MEIOB: variants seen among roughly 807,000 people sequenced by gnomAD.
The protein encoded by MEIOB is meiosis-specific with OB domain-containing protein.
Under a neutral mutation model 53.1 loss-of-function variants are expected in MEIOB, and 50 were observed. That is an observed-to-expected ratio of 0.94 (90% CI 0.75 to 1.19). The LOEUF (loss-of-function observed/expected upper bound fraction) is 1.19, where lower values mean the gene tolerates loss of function less well. MEIOB is among the 50% of genes most tolerant of loss of function. MEIOB has a pLI of 0.00. For synonymous variants in MEIOB, 192 were observed against 182.5 expected, an observed-to-expected ratio of 1.05 and a Z score of -0.42; for missense variants, 551 against 550.8, an observed-to-expected ratio of 1.00 and a Z score of 0.00.
intron 1 of MEIOB, among the ~76,000 whole-genome samples, chr16:1,871,370 C>T (rs1899740299): frequency 1.2e-5 from 1 of 85,578 alleles, no homozygotes; most frequent in African/African-American, 4.4e-5. Flanking sequence ...CAGGCACTCG[C>T]CGCCACGCCT....
intron 9 of MEIOB, among the ~76,000 whole-genome samples, chr16:1,851,462 T>C (rs1033675333): frequency 1.3e-5 from 2 of 152,238 alleles, no homozygotes; most frequent in Admixed American, 6.5e-5. Flanking sequence ...ATTTATTCTC[T>C]GTCTCTCCCT....
intron 13 of MEIOB, among the ~76,000 whole-genome samples, chr16:1,835,859 TTTC>T (rs1331752734): frequency 7.3e-4 from 93 of 127,714 alleles, no homozygotes; most frequent in African/African-American, 2.7e-3. Context: ...CCAATTCCTT[TTTC>T]TTTTTTTTTT....
At chr16:1,858,003 T>A in intron 5 of MEIOB, 73 bp from the exon 6 acceptor site, 2 of 930,902 alleles carry the variant, frequency 2.1e-6, no homozygotes, top group Non-Finnish European at 3.2e-6. Flanking sequence ...GGTCCACATT[T>A]AAACTACATT....
At chr16:1,837,933 C>G in intron 12 of MEIOB, 63 bp from the exon 13 acceptor site, 1 of 1,456,262 alleles carries the variant, frequency 6.9e-7, no homozygotes, top group Admixed American at 2.7e-5. Flanking sequence ...TCATTTTTGA[C>G]AACAGTGTGA....
intron 2 of MEIOB, among the ~76,000 whole-genome samples, chr16:1,867,592 C>T (rs1899628076): frequency 6.7e-6 from 1 of 149,666 alleles, no homozygotes; most frequent in South Asian, 2.1e-4. Flanking sequence ...CCTGCCTCAG[C>T]CTCCTGAGTA....
intron 7 of MEIOB, 139 bp from the exon 8 acceptor site, chr16:1,853,410 T>C: frequency 3.1e-6 from 2 of 645,884 alleles, no homozygotes; most frequent in East Asian, 2.7e-5. Context: ...CTCCTAGTCT[T>C]AAGCATGCCA....
chr16:1,868,818 G>A (rs1226802962), intron 1 of MEIOB, among the ~76,000 whole-genome samples: 1 of 151,970 alleles, frequency 6.6e-6, no homozygotes, highest in East Asian at 1.9e-4. Flanking sequence ...TGGCACCACT[G>A]CACTCCAGCC....
At chr16:1,837,604 T>C (rs1898784624) in intron 13 of MEIOB, 180 bp downstream of exon 13, 1 of 460,476 alleles carries the variant, frequency 2.2e-6, no homozygotes, top group Non-Finnish European at 3.9e-6. Flanking sequence ...AACTCCTTTA[T>C]ACAATATGAA....
chr16:1,845,392 C>G (rs1445121171), intron 9 of MEIOB, among the ~76,000 whole-genome samples: 1 of 151,936 alleles, frequency 6.6e-6, no homozygotes, highest in Admixed American at 6.6e-5. Context: ...TGGTGGTGGG[C>G]GCCTGTAGTC....
chr16:1,865,612 G>A (rs1049401037), intron 3 of MEIOB, among the ~76,000 whole-genome samples, 166 bp downstream of exon 3: 3 of 152,100 alleles, frequency 2.0e-5, no homozygotes, highest in Non-Finnish European at 1.5e-5. Context: ...GGGAGGGAGG[G>A]AGAGAGAAAG....
chr16:1,853,092 C>T lies in MEIOB; in HGVS notation c.725G>A (p.Arg242Gln), dbSNP rs372655502. The change falls in exon 9 of 14, where the codon CGG becomes CAG. Residue 242 changes from arginine to glutamine, a missense_variant. Physicochemically the swap from Arg to Gln is conservative, Grantham distance 43. Coordinates refer to ENST00000325962, the MANE Select transcript of MEIOB (RefSeq NM_001163560.3). ...SDVRINFDKF[R>Q]NCMTATVISK... ...GATTACAGTTGCTGTCATGCAGTTC[C>T]GAAATTTGTCAAAATTTATTCTTAC... 5.5e-5 allele frequency: 89 copies of T among 1,612,764 alleles called. No homozygotes were observed. The highest frequency in any genetic ancestry group is 2.4e-4 in the African/African-American group (18 of 74,950).
intron 11 of MEIOB, chr16:1,841,015 T>TC: frequency 1.4e-5 from 2 of 140,306 alleles, no homozygotes; most frequent in African/African-American, 5.2e-5. Flanking sequence ...TTTCTTTCTT[T>TC]TTTTTTTTTT....
chr16:1,848,173 C>A (rs2142084955), intron 9 of MEIOB, among the ~76,000 whole-genome samples: 2 of 152,026 alleles, frequency 1.3e-5, no homozygotes, highest in Non-Finnish European at 2.9e-5. Context: ...TTCTTGTAGG[C>A]AAAAAGATGA....
At chr16:1,847,735 G>C (rs1269846123) in intron 9 of MEIOB, among the ~76,000 whole-genome samples, 1 of 152,074 alleles carries the variant, frequency 6.6e-6, no homozygotes, top group African/African-American at 2.4e-5. Context: ...CTGCCCTTGA[G>C]TAGCCTAAAA....
chr16:1,844,106 A>C (rs1056016401), intron 10 of MEIOB, among the ~76,000 whole-genome samples: 1 of 148,970 alleles, frequency 6.7e-6, no homozygotes, highest in Admixed American at 6.7e-5. Flanking sequence ...TCTTTGTTGC[A>C]TTCTGTATTA....
At position 1,866,097 on chromosome 16, in the gene MEIOB, A is replaced by G. The variant is rs115550212; in HGVS notation, c.70-262T>C. 1.3e-3 allele frequency among the ~76,000 whole-genome samples: 198 copies of G among 152,284 alleles called. 1 individual carries two copies. The highest frequency in any genetic ancestry group is 4.5e-3 in the African/African-American group (185 of 41,570). Reference sequence around the variant, plus strand: ...TTAGCATATTTCTACTTTATTTTCAATCACCAGATGGAGCATAATAACTGC... The same window carrying G: ...TTAGCATATTTCTACTTTATTTTCAGTCACCAGATGGAGCATAATAACTGC... On this transcript the variant is annotated intron_variant, in intron 2 of 13. Coordinates refer to ENST00000325962, the MANE Select transcript of MEIOB (RefSeq NM_001163560.3).
intron 9 of MEIOB, among the ~76,000 whole-genome samples, chr16:1,850,790 G>A (rs1003292066): frequency 1.2e-4 from 18 of 149,606 alleles, no homozygotes; most frequent in African/African-American, 3.4e-4. Flanking sequence ...GCATGGTGGC[G>A]GGCGCCTGTA....
intron 9 of MEIOB, among the ~76,000 whole-genome samples, chr16:1,849,280 C>T (rs1314793222): frequency 2.0e-5 from 3 of 151,474 alleles, no homozygotes; most frequent in Admixed American, 6.6e-5. Flanking sequence ...AGGCTGGGCG[C>T]GGTGGCTCAC....
In MEIOB at chr16:1,868,164, G is replaced by A. The variant is rs1442619134; in HGVS notation, c.12C>T (p.Ser4=). 1 of 1,525,534 alleles carries A rather than the reference G, an allele frequency of 6.6e-7. No homozygotes were observed. Among genetic ancestry groups the A allele is most frequent in the Non-Finnish European group, 8.9e-7 (1 of 1,128,152 alleles). 94.5% of individuals were successfully genotyped at this position (1,525,534 alleles called of 1,614,324 possible). A position where few individuals can be genotyped will look rare whatever the true frequency, so the allele number is the denominator to read the frequency against. The change falls in exon 2 of 14, where the codon TCC becomes TCT. Residue 4 remains serine (S), a synonymous_variant. Transcript: ENST00000325962. The stretch of plus-strand genomic sequence containing the variant: ...GGGTAGTGAAAATCCTCGCTGCAAA[G>A]GAGTTTGCCATTTTTTTAATCTGCA... The part of the protein sequence containing the change: MAN[S]FAARIFTTLS...
Sources: gnomAD v4.1 joint callset for allele counts (sites outside exome capture counted in the v4.1 genomes callset) on GRCh38, gnomAD v4.1.1 for gene constraint, MANE v1.5 for transcripts, NCBI Gene and HGNC (gene_info 2026-07-23, HGNC 2026-07-21) for gene names.